ZFR2: variants seen among roughly 807,000 people sequenced by gnomAD.
The protein encoded by ZFR2 is zinc finger RNA-binding protein 2.
Under a neutral mutation model 105.7 loss-of-function variants are expected in ZFR2, and 104 were observed. That is an observed-to-expected ratio of 0.98 (90% CI 0.84 to 1.16). The LOEUF (loss-of-function observed/expected upper bound fraction) is 1.16, where lower values mean the gene tolerates loss of function less well. Ranked by LOEUF, ZFR2 falls within the 50% of genes most tolerant of loss-of-function variation. The pLI, the probability that ZFR2 is intolerant of heterozygous loss-of-function variation, is 0.00. For synonymous variants in ZFR2, 634 were observed against 597.7 expected (o/e 1.06, Z -0.89); for missense variants, 1,425 against 1,355.5 (o/e 1.05, Z -0.80).
At chr19:3,851,865 T>C (rs1379172072) in intron 1 of ZFR2, 3 of 155,360 alleles carry the variant, frequency 1.9e-5, no homozygotes, top group Non-Finnish European at 2.9e-5. Context: ...GGATGACACA[T>C]TGTCCACGGC....
intron 13 of ZFR2, 104 bp downstream of exon 13, chr19:3,816,570 G>GGT: frequency 6.9e-7 from 1 of 1,446,316 alleles, no homozygotes; most frequent in South Asian, 1.4e-5. Context: ...CCTTAAAGTT[G>GGT]TGTAGTAACA....
At chr19:3,820,654 G>A (rs1430385698) in intron 10 of ZFR2, among the ~76,000 whole-genome samples, 2 of 151,832 alleles carry the variant, frequency 1.3e-5, no homozygotes, top group Admixed American at 6.6e-5. Context: ...ATGAGGGGAC[G>A]CTAGGGGATC....
At chr19:3,846,784 G>A (rs2038188549) in intron 1 of ZFR2, among the ~76,000 whole-genome samples, 1 of 152,156 alleles carries the variant, frequency 6.6e-6, no homozygotes, top group South Asian at 2.1e-4. Context: ...CTACAGAAAA[G>A]ACTGTTTACT....
chr19:3,858,194 C>T lies in ZFR2; in HGVS notation c.53+10771G>A, dbSNP rs2038330376. 6.6e-6 allele frequency among the ~76,000 whole-genome samples: 1 copy of T among 152,138 alleles called. No individual in the cohort carries two copies. Among genetic ancestry groups the T allele is most frequent in the Non-Finnish European group, 1.5e-5 (1 of 68,018 alleles). On this transcript the variant is annotated intron_variant, in intron 1 of 18. Coordinates refer to ENST00000262961, the MANE Select transcript of ZFR2 (RefSeq NM_015174.2). This position sits in a 1 kb window ranked among gnomAD's most constrained non-coding sequence, Gnocchi z 4.3. ...GGAATGGGCCCATCTGAGCTGCCCA[C>T]GTCACCTGGCCCAGAGCTCTTTCTG... is the stretch of plus-strand genomic sequence containing the variant.
Position 3,810,796 on chromosome 19 carries a change from CT to C in ZFR2, c.2386del (p.Arg796GlyfsTer26). On this transcript the variant is annotated frameshift_variant, in exon 16 of 19. Coordinates refer to ENST00000262961, the MANE Select transcript of ZFR2 (RefSeq NM_015174.2). LOFTEE classifies it high-confidence loss of function. Reference sequence around the variant, plus strand: ...GGTGGGCACACGCCGGCAGAGGTCCCTCAGGACCCTGATGACGATCACGCAT... The same window carrying C: ...GGTGGGCACACGCCGGCAGAGGTCCCCAGGACCCTGATGACGATCACGCAT... ...QPCVIVIRVL[R>X]DLCRRVPTWG... is the part of the protein sequence containing the mutation. 1 of 1,550,432 alleles carries C rather than the reference CT, an allele frequency of 6.4e-7. No individual in the cohort carries two copies.
intron 1 of ZFR2, chr19:3,852,160 C>A (rs529944670): frequency 7.3e-6 from 3 of 409,970 alleles, no homozygotes; most frequent in Non-Finnish European, 1.3e-5. Context: ...CTGGCCCAGG[C>A]GGGGCTCAGC....
chr19:3,852,423 T>G, intron 1 of ZFR2: 1 of 714,806 alleles, frequency 1.4e-6, no homozygotes, highest in Non-Finnish European at 2.6e-6. Flanking sequence ...TCTCCTTATA[T>G]CTCCTCCTCC....
In ZFR2 at chr19:3,806,000, CT is replaced by C; in HGVS notation, c.2768del (p.Glu923GlyfsTer55). 1 of 1,546,262 alleles carries C rather than the reference CT, an allele frequency of 6.5e-7. No homozygotes were observed. Among genetic ancestry groups the C allele is most frequent in the Non-Finnish European group, 8.7e-7 (1 of 1,147,772 alleles). On this transcript the variant is annotated frameshift_variant, in exon 19 of 19. Coordinates refer to ENST00000262961, the MANE Select transcript of ZFR2 (RefSeq NM_015174.2). LOFTEE classifies it low-confidence loss of function (END_TRUNC). Reference sequence around the variant, plus strand: ...GGCCCCGCTTCTTCTCCCCTGCGCCCTCCTCTCCCTCGCCAGGTCCCCGTTG... The same window carrying C: ...GGCCCCGCTTCTTCTCCCCTGCGCCCCCTCTCCCTCGCCAGGTCCCCGTTG... ...KRQRGPGEGE[E>X]GAGEKKRGRR...
intron 7 of ZFR2, 145 bp downstream of exon 7, chr19:3,825,085 A>G: frequency 1.0e-6 from 1 of 961,006 alleles, no homozygotes; most frequent in Non-Finnish European, 1.4e-6. Flanking sequence ...CTGCAGGAAT[A>G]AGGGAGAGAC....
At chr19:3,829,455 T>TGTGTGC (rs2037987726) in intron 5 of ZFR2, among the ~76,000 whole-genome samples, 1 of 138,704 alleles carries the variant, frequency 7.2e-6, no homozygotes, top group Admixed American at 8.1e-5. Context: ...TAGGTAGGTT[T>TGTGTGC]GTGTGTGTGT....
At chr19:3,842,280 C>T (rs2038140180) in intron 1 of ZFR2, among the ~76,000 whole-genome samples, 1 of 152,098 alleles carries the variant, frequency 6.6e-6, no homozygotes, top group Non-Finnish European at 1.5e-5. Flanking sequence ...TCCCAAAGCA[C>T]AGGAATTACA....
intron 18 of ZFR2, 145 bp downstream of exon 18, chr19:3,807,027 G>C: frequency 1.6e-6 from 1 of 640,926 alleles, no homozygotes; most frequent in Non-Finnish European, 2.6e-6. Flanking sequence ...GCGTGGTCCT[G>C]CCACCCACGG....
chr19:3,849,335 A>T (rs2038213260), intron 1 of ZFR2, among the ~76,000 whole-genome samples: 1 of 152,228 alleles, frequency 6.6e-6, no homozygotes, highest in Non-Finnish European at 1.5e-5. Context: ...CCCACCTAAG[A>T]GGACAGTGGA....
intron 1 of ZFR2, among the ~76,000 whole-genome samples, chr19:3,859,524 G>C (rs996466501): frequency 2.0e-5 from 3 of 152,230 alleles, no homozygotes; most frequent in Admixed American, 2.0e-4. Flanking sequence ...TCCAGCCACT[G>C]ACTTCCGTGC....
chr19:3,805,726 G>C lies in ZFR2; in HGVS notation c.*223C>G, dbSNP rs573787042. 2.0e-6 allele frequency: 1 copy of C among 491,052 alleles called. No homozygotes were observed. Among genetic ancestry groups the C allele is most frequent in the South Asian group, 3.8e-5 (1 of 26,436 alleles). 30.4% of individuals were successfully genotyped at this position (491,052 alleles called of 1,614,324 possible). On this transcript the variant is annotated 3_prime_UTR_variant, in exon 19 of 19. Transcript: ENST00000262961. ...TCACTCTGTTGTCTGGGCTGGCCTT[G>C]AACTCTCAGGCTCAAGCAACTCAGC...
chr19:3,853,356 C>T (rs979509905), intron 1 of ZFR2, among the ~76,000 whole-genome samples: 1 of 152,182 alleles, frequency 6.6e-6, no homozygotes, highest in Non-Finnish European at 1.5e-5. Context: ...GCCCTGATCC[C>T]CTGAAAATGA....
In ZFR2 at chr19:3,822,019, C is replaced by G. The variant is rs2037900138; in HGVS notation, c.1491+62G>C. ...GGAAGAGGCCCGACCACAGGCCTCC[C>G]AGCGCCCGCCGGGCCCTAGCACAGC... is the stretch of plus-strand genomic sequence containing the variant. On this transcript the variant is annotated intron_variant, in intron 9 of 18. Transcript: ENST00000262961. 4 of 1,522,838 alleles carry G rather than the reference C, an allele frequency of 2.6e-6. No homozygotes were observed. The Admixed American group carries it at 8.1e-5, about 31-fold the overall frequency. 94.3% of individuals were successfully genotyped at this position (1,522,838 alleles called of 1,614,324 possible).
chr19:3,853,237 C>T (rs1407774292), intron 1 of ZFR2, among the ~76,000 whole-genome samples: 1 of 152,216 alleles, frequency 6.6e-6, no homozygotes, highest in East Asian at 1.9e-4. Context: ...TCAGATGCGA[C>T]AGGGAGAGGC....
Position 3,823,365 on chromosome 19 carries a change from A to T in ZFR2, c.1252T>A (p.Trp418Arg). 6.2e-7 allele frequency: 1 copy of T among 1,613,582 alleles called. No homozygotes were observed. The highest frequency in any genetic ancestry group is 1.1e-5 in the South Asian group (1 of 91,070). ...AATTTAGGTTGGGCTGGTTTCCCCC[A>T]CTGGGGTCTGCAGCCTGCTGCCTGT... ...EPQAAGCRPQ[W>R]GKPAQPKLEG... The change falls in exon 8 of 19, where the codon TGG (tryptophan) becomes AGG (arginine). Residue 418 changes from tryptophan (W) to arginine (R), a missense_variant. Transcript: ENST00000262961. The surrounding 1 kb of genome is among the most constrained non-coding windows in gnomAD (Gnocchi z 5.4).
Sources: gnomAD v4.1 joint callset for allele counts (sites outside exome capture counted in the v4.1 genomes callset) on GRCh38, gnomAD v4.1.1 for gene constraint, Gnocchi (gnomAD v3.1) non-coding constraint, MANE v1.5 for transcripts, NCBI Gene and HGNC (gene_info 2026-07-23, HGNC 2026-07-21) for gene names.